QTMAN: variants seen among roughly 807,000 people sequenced by gnomAD.
The protein encoded by QTMAN is tRNA-queuosine alpha-mannosyltransferase.
chr2:144,162,090 C>T, the QTMAN span, among the ~76,000 whole-genome samples: 1 of 152,118 alleles, frequency 6.6e-6, no homozygotes, highest in Admixed American at 6.6e-5. Flanking sequence ...ATAGACCTAA[C>T]AAAAATCAGT....
chr2:144,013,000 C>A, the QTMAN span, among the ~76,000 whole-genome samples: 1 of 152,124 alleles, frequency 6.6e-6, no homozygotes, highest in Admixed American at 6.6e-5. Context: ...AGAGCCACAG[C>A]GTTGTATCCC....
At chr2:143,985,869 T>C in the QTMAN span, among the ~76,000 whole-genome samples, 664 of 152,338 alleles carry the variant, frequency 4.4e-3, 3 homozygotes, top group Middle Eastern at 6.8e-3. Context: ...TAAAAAGTTA[T>C]TTAAACTTAA....
chr2:144,301,839 C>A, the QTMAN span, among the ~76,000 whole-genome samples: 2 of 152,200 alleles, frequency 1.3e-5, no homozygotes, highest in East Asian at 1.9e-4. Flanking sequence ...TCTTCTTTAT[C>A]TTTTCAGTGC....
the QTMAN span, among the ~76,000 whole-genome samples, chr2:144,105,034 G>T: frequency 3.3e-5 from 5 of 152,248 alleles, no homozygotes; most frequent in African/African-American, 1.2e-4. Context: ...CAACCGACCT[G>T]CAGCTGAGGG....
the QTMAN span, among the ~76,000 whole-genome samples, chr2:144,072,829 A>G: frequency 1.3e-5 from 2 of 152,234 alleles, no homozygotes; most frequent in African/African-American, 2.4e-5. Flanking sequence ...AAAAGAGTTA[A>G]AGACAAGACT....
the QTMAN span, among the ~76,000 whole-genome samples, chr2:144,302,871 C>CG: frequency 0.011 from 1,738 of 151,934 alleles, 7 homozygotes; most frequent in South Asian, 0.033. Context: ...GAGGCCGAGG[C>CG]GGGGGGGATC....
the QTMAN span, chr2:144,011,833 G>T: frequency 3.1e-6 from 2 of 637,714 alleles, no homozygotes; most frequent in Non-Finnish European, 3.9e-6. Context: ...AAGAGAAAAG[G>T]TCCCGAGGTA....
At chr2:144,172,221 A>AT in the QTMAN span, among the ~76,000 whole-genome samples, 1 of 152,154 alleles carries the variant, frequency 6.6e-6, no homozygotes, top group Non-Finnish European at 1.5e-5. Context: ...AATTGCTTAA[A>AT]TTGAATTTAA....
chr2:144,276,877 C>T, the QTMAN span, among the ~76,000 whole-genome samples: 83 of 152,274 alleles, frequency 5.5e-4, no homozygotes, highest in Admixed American at 1.8e-3. Flanking sequence ...ACTTACAGAA[C>T]TTTCATAAAA....
chr2:144,220,913 G>C, the QTMAN span, among the ~76,000 whole-genome samples: 2 of 152,234 alleles, frequency 1.3e-5, 1 homozygote, highest in African/African-American at 4.8e-5. Flanking sequence ...TACCCACCTT[G>C]TTTCCAAACT....
At chr2:144,231,100 GA>G in the QTMAN span, among the ~76,000 whole-genome samples, 2 of 151,996 alleles carry the variant, frequency 1.3e-5, no homozygotes, top group Non-Finnish European at 2.9e-5. Flanking sequence ...AAATTAAGAG[GA>G]AAAATCAAAC....
At chr2:144,000,487 T>C in the QTMAN span, among the ~76,000 whole-genome samples, 4 of 152,128 alleles carry the variant, frequency 2.6e-5, no homozygotes, top group East Asian at 7.7e-4. Flanking sequence ...ACCTTATTAT[T>C]TCATGTGAGC....
the QTMAN span, among the ~76,000 whole-genome samples, chr2:144,118,668 G>T: frequency 1.9e-3 from 290 of 152,264 alleles, 1 homozygote; most frequent in African/African-American, 6.6e-3. Context: ...TGGATCACGA[G>T]GTCACGAGAT....
the QTMAN span, among the ~76,000 whole-genome samples, chr2:144,324,231 A>G: frequency 6.6e-6 from 1 of 152,216 alleles, no homozygotes; most frequent in African/African-American, 2.4e-5. Context: ...AAATAAACTG[A>G]TAACTACAAG....
At chr2:144,139,891 T>G in the QTMAN span, among the ~76,000 whole-genome samples, 2 of 152,092 alleles carry the variant, frequency 1.3e-5, no homozygotes, top group African/African-American at 4.8e-5. Context: ...TGCTTTGTTT[T>G]CAGTTAAATT....
chr2:143,975,088 C>T, the QTMAN span, among the ~76,000 whole-genome samples: 1 of 152,210 alleles, frequency 6.6e-6, no homozygotes, highest in Non-Finnish European at 1.5e-5. Flanking sequence ...TTACTGGAAG[C>T]AGTAGATACA....
At chr2:144,056,375 G>C in the QTMAN span, among the ~76,000 whole-genome samples, 1 of 152,210 alleles carries the variant, frequency 6.6e-6, no homozygotes, top group Admixed American at 6.5e-5. Flanking sequence ...GCACCCTGAA[G>C]GTTGAAGTTT....
chr2:144,029,020 T>G, the QTMAN span, among the ~76,000 whole-genome samples: 1 of 152,276 alleles, frequency 6.6e-6, no homozygotes, highest in Admixed American at 6.5e-5. Context: ...GGACTAAAAT[T>G]TCAGGGTCAC....
At chr2:144,257,037 AAAATTT>A in the QTMAN span, among the ~76,000 whole-genome samples, 1 of 151,958 alleles carries the variant, frequency 6.6e-6, no homozygotes, top group African/African-American at 2.4e-5. Context: ...ATAAACTAAA[AAAATTT>A]TTTAAAGATG....
Sources: gnomAD v4.1 joint callset for allele counts (sites outside exome capture counted in the v4.1 genomes callset) on GRCh38, gnomAD v4.1.1 for gene constraint, MANE v1.5 for transcripts, NCBI Gene and HGNC (gene_info 2026-07-23, HGNC 2026-07-21) for gene names.